Variants in MECOM observed in about 807,000 individuals in gnomAD.
MECOM encodes the protein histone-lysine N-methyltransferase MECOM.
MECOM carries 13 observed loss-of-function variants against 116.3 expected under a neutral mutation model. The ratio of observed to expected loss-of-function variants is 0.11; its 90% CI spans 0.07 to 0.18. The LOEUF (loss-of-function observed/expected upper bound fraction) is 0.18, where lower values mean the gene tolerates loss of function less well. Among genes scored for constraint, MECOM ranks in the 10% least tolerant of loss-of-function variants. MECOM has a pLI of 1.00. For synonymous variants in MECOM, 528 were observed against 535.2 expected (o/e 0.99, Z 0.19); for missense variants, 1,299 against 1,509.0 (o/e 0.86, Z 2.31).
At chr3:169,369,452 T>A (rs1359760087) in intron 2 of MECOM, among the ~76,000 whole-genome samples, 5 of 142,118 alleles carry the variant, frequency 3.5e-5, no homozygotes, top group African/African-American at 1.0e-4. Flanking sequence ...GTTCAAGCAA[T>A]CTTCCTGCCT....
At chr3:169,581,544 C>T (rs1765126132) in intron 1 of MECOM, among the ~76,000 whole-genome samples, 1 of 152,034 alleles carries the variant, frequency 6.6e-6, no homozygotes, top group Non-Finnish European at 1.5e-5. Flanking sequence ...GGAAATGGTG[C>T]TATAAGACCT....
chr3:169,584,877 TAA>T (rs1273738209), intron 1 of MECOM, among the ~76,000 whole-genome samples: 2 of 152,162 alleles, frequency 1.3e-5, no homozygotes, highest in Non-Finnish European at 2.9e-5. Flanking sequence ...CAAAAAGTAC[TAA>T]GAGGATGAAA....
chr3:169,181,245 C>T (rs1031478516), intron 2 of MECOM, among the ~76,000 whole-genome samples: 2 of 152,086 alleles, frequency 1.3e-5, no homozygotes, highest in Non-Finnish European at 2.9e-5. Flanking sequence ...TCTATCCAGA[C>T]CTATGCTGCC....
intron 2 of MECOM, among the ~76,000 whole-genome samples, chr3:169,313,125 A>AAAAG (rs1035094803): frequency 2.0e-5 from 3 of 152,244 alleles, no homozygotes; most frequent in Non-Finnish European, 1.5e-5. Flanking sequence ...AGTTTTTCAA[A>AAAAG]AAAGAAAGAA....
At chr3:169,460,380 A>C (rs905049181) in intron 1 of MECOM, among the ~76,000 whole-genome samples, 1 of 152,190 alleles carries the variant, frequency 6.6e-6, no homozygotes, top group African/African-American at 2.4e-5. Flanking sequence ...ATTTCAGAAC[A>C]GACCTATTTT....
chr3:169,147,585 T>C (rs769238412), intron 2 of MECOM: 7 of 985,176 alleles, frequency 7.1e-6, no homozygotes, highest in Non-Finnish European at 6.0e-6. Flanking sequence ...GACAGACTGA[T>C]TATGGATGCA....
At chr3:169,389,939 G>A (rs1019886098) in intron 1 of MECOM, among the ~76,000 whole-genome samples, 15 of 152,192 alleles carry the variant, frequency 9.9e-5, no homozygotes, top group African/African-American at 3.4e-4. Context: ...AAGTATATCA[G>A]CATCAGGAAG....
intron 2 of MECOM, among the ~76,000 whole-genome samples, chr3:169,218,478 G>A (rs1307875683): frequency 6.6e-6 from 1 of 152,122 alleles, no homozygotes; most frequent in East Asian, 1.9e-4. Context: ...AGGAAGTGAT[G>A]CCAGGGATCA....
chr3:169,542,547 G>C (rs1247042219), intron 1 of MECOM, among the ~76,000 whole-genome samples: 2 of 152,200 alleles, frequency 1.3e-5, no homozygotes, highest in African/African-American at 2.4e-5. Context: ...CAGGTTGATG[G>C]AAAGTGCTAA....
intron 1 of MECOM, among the ~76,000 whole-genome samples, chr3:169,406,267 C>T (rs1359480157): frequency 6.6e-6 from 1 of 152,188 alleles, no homozygotes. Flanking sequence ...GATCCTGTTC[C>T]TGGCACTGTC....
intron 1 of MECOM, among the ~76,000 whole-genome samples, chr3:169,622,128 T>C (rs1416683084): frequency 6.6e-6 from 1 of 152,218 alleles, no homozygotes; most frequent in Non-Finnish European, 1.5e-5. Context: ...TCACTCTTGT[T>C]GCCCATGCTG....
intron 2 of MECOM, among the ~76,000 whole-genome samples, chr3:169,194,392 C>A (rs1441482150): frequency 6.6e-6 from 1 of 151,762 alleles, no homozygotes; most frequent in Non-Finnish European, 1.5e-5. Context: ...TGCAGCACAC[C>A]AACATGGCAC....
At chr3:169,612,941 A>C (rs1349490948) in intron 1 of MECOM, among the ~76,000 whole-genome samples, 3 of 152,230 alleles carry the variant, frequency 2.0e-5, no homozygotes, top group Non-Finnish European at 4.4e-5. Flanking sequence ...AAGGTAAGAG[A>C]AGAGAAGTTA....
At chr3:169,417,414 T>C (rs907875719) in intron 1 of MECOM, among the ~76,000 whole-genome samples, 3 of 152,158 alleles carry the variant, frequency 2.0e-5, no homozygotes, top group African/African-American at 7.2e-5. Flanking sequence ...TGAGATACCA[T>C]TTCACACCAC....
intron 1 of MECOM, among the ~76,000 whole-genome samples, chr3:169,548,637 G>A (rs569425358): frequency 6.6e-6 from 1 of 152,134 alleles, no homozygotes; most frequent in African/African-American, 2.4e-5. Context: ...TTCATGAAAG[G>A]GACAATAGAG....
intron 2 of MECOM, among the ~76,000 whole-genome samples, chr3:169,312,458 T>A (rs1310490137): frequency 7.1e-6 from 1 of 141,434 alleles, no homozygotes; most frequent in African/African-American, 2.7e-5. Flanking sequence ...AAGCTCCGCC[T>A]CCAGGGTTCA....
chr3:169,261,844 C>G (rs73032766), intron 2 of MECOM, among the ~76,000 whole-genome samples: 2,962 of 152,288 alleles, frequency 0.019, 94 homozygotes, highest in African/African-American at 0.066. Context: ...CAGTGCCCAC[C>G]TGTGTGTTTT....
intron 1 of MECOM, among the ~76,000 whole-genome samples, chr3:169,603,405 A>G (rs1474592615): frequency 1.3e-5 from 2 of 152,218 alleles, no homozygotes; most frequent in African/African-American, 2.4e-5. Context: ...AAAAATTACC[A>G]TACGCTAAGA....
chr3:169,572,469 GACCCA>G (rs1764020811), intron 1 of MECOM, among the ~76,000 whole-genome samples: 1 of 152,160 alleles, frequency 6.6e-6, no homozygotes, highest in Non-Finnish European at 1.5e-5. Flanking sequence ...AATACCATTT[GACCCA>G]GCAATCCCAT....
Sources: allele counts gnomAD v4.1 joint callset (sites outside exome capture counted in the v4.1 genomes callset), GRCh38; gene constraint gnomAD v4.1.1; transcripts MANE v1.5; gene names NCBI Gene and HGNC (gene_info 2026-07-23, HGNC 2026-07-21).